ARHGEF10L: variants seen among roughly 807,000 people sequenced by gnomAD.
The protein encoded by ARHGEF10L is rho guanine nucleotide exchange factor 10-like protein.
Under a neutral mutation model 141.2 loss-of-function variants are expected in ARHGEF10L, and 69 were observed. The ratio of observed to expected loss-of-function variants is 0.49; its 90% CI spans 0.40 to 0.60. The LOEUF (loss-of-function observed/expected upper bound fraction) is 0.60. ARHGEF10L is among the 20% of genes least tolerant of loss of function. The pLI is 0.00. For missense variants in ARHGEF10L, 1,482 were observed against 1,734.3 expected, an observed-to-expected ratio of 0.85 and a Z score of 2.58; for synonymous variants, 711 against 718.5, an observed-to-expected ratio of 0.99 and a Z score of 0.17.
At chr1:17,694,111 T>C (rs867668832) in intron 27 of ARHGEF10L, 3 of 152,320 alleles carry the variant, frequency 2.0e-5, no homozygotes, top group Non-Finnish European at 4.4e-5. Flanking sequence ...CATTTTGCCA[T>C]GTGCAGGCAC....
intron 7 of ARHGEF10L, among the ~76,000 whole-genome samples, chr1:17,609,796 G>C (rs370184616): frequency 1.3e-5 from 2 of 152,132 alleles, no homozygotes; most frequent in African/African-American, 4.8e-5. Flanking sequence ...CTGGAGGAGC[G>C]GCCCAGGCAG....
At position 17,697,095 on chromosome 1, in the gene ARHGEF10L, C is replaced by A. The variant is rs1289172777; in HGVS notation, c.3555C>A (p.Gly1185=). ...TGCGCTCCACCGCACACCTCCCGGG[C>A]CCGCTGCTCTCCATGCGGGAGCCGG... is the stretch of plus-strand genomic sequence containing the variant. ...YRLRSTAHLP[G]PLLSMREPAP... The change falls in exon 29 of 29, where the codon GGC becomes GGA. Residue 1185 remains glycine, a synonymous_variant. Coordinates refer to ENST00000361221, the MANE Select transcript of ARHGEF10L (RefSeq NM_018125.4). The surrounding 1 kb of genome is among the most constrained non-coding windows in gnomAD (Gnocchi z 4.8). The A allele has an allele frequency of 6.2e-7, 1 of 1,608,300 alleles. No homozygotes were observed. The highest frequency in any genetic ancestry group is 8.5e-7 in the Non-Finnish European group (1 of 1,177,092).
chr1:17,557,006 C>T (rs369472693), intron 1 of ARHGEF10L, among the ~76,000 whole-genome samples: 5 of 146,526 alleles, frequency 3.4e-5, no homozygotes, highest in Admixed American at 2.1e-4. Context: ...CCCTCCAGTT[C>T]GGACAACATA....
intron 1 of ARHGEF10L, among the ~76,000 whole-genome samples, chr1:17,577,712 G>C (rs1284944403): frequency 6.6e-6 from 1 of 152,242 alleles, no homozygotes; most frequent in East Asian, 1.9e-4. Flanking sequence ...AGTGCGATCA[G>C]AGGATTGAGA....
At position 17,639,662 on chromosome 1, in the gene ARHGEF10L, A is replaced by G; in HGVS notation, c.2172-540A>G. 1 of 415,112 alleles carries G rather than the reference A, an allele frequency of 2.4e-6. No individual in the cohort carries two copies. 25.7% of individuals were successfully genotyped at this position (415,112 alleles called of 1,614,324 possible). ...GGAAGGCCCCCACTGCTCTGAGGTG[A>G]GAGGACAGCGTGGTGACAACAGCAA... On this transcript the variant is annotated intron_variant, in intron 20 of 28. Transcript: ENST00000361221. The surrounding 1 kb of genome is among the most constrained non-coding windows in gnomAD (Gnocchi z 4.3).
chr1:17,587,711 C>T, intron 3 of ARHGEF10L, 66 bp downstream of exon 3: 3 of 1,505,332 alleles, frequency 2.0e-6, no homozygotes, highest in Non-Finnish European at 2.7e-6. Context: ...GGCGGAAGCT[C>T]CAGGCTCTCA....
intron 4 of ARHGEF10L, among the ~76,000 whole-genome samples, chr1:17,599,891 A>G (rs1193898026): frequency 6.6e-6 from 1 of 152,224 alleles, no homozygotes; most frequent in African/African-American, 2.4e-5. Context: ...GAAATCAAAT[A>G]GAGTTAAAAA....
chr1:17,513,788 ATTCT>A, the ARHGEF10L span, among the ~76,000 whole-genome samples: 1 of 152,052 alleles, frequency 6.6e-6, no homozygotes, highest in Non-Finnish European at 1.5e-5. Context: ...TTACATGGAA[ATTCT>A]TTCTTTTTTT....
chr1:17,649,503 C>A (rs564844055), intron 22 of ARHGEF10L, among the ~76,000 whole-genome samples: 1 of 152,324 alleles, frequency 6.6e-6, no homozygotes, highest in Non-Finnish European at 1.5e-5. Context: ...ATCTAAACAG[C>A]TGAAAGAACA....
chr1:17,607,155 CT>C lies in ARHGEF10L; in HGVS notation c.434-646del, dbSNP rs761230773. On this transcript the variant is annotated intron_variant, in intron 6 of 28. Transcript: ENST00000361221. This position sits in a 1 kb window ranked among gnomAD's most constrained non-coding sequence, Gnocchi z 4.5. ...GAGCCAGGACTTGGCTCCGGGTCTT[CT>C]CTTTTCCAGTAAGAAACAGGCCACG... Among the ~76,000 whole-genome samples, 13 of 152,272 alleles carry C rather than the reference CT, an allele frequency of 8.5e-5. No homozygotes were observed. Among genetic ancestry groups the C allele is most frequent in the African/African-American group, 1.2e-4 (5 of 41,560 alleles).
At chr1:17,519,842 CA>C in the ARHGEF10L span, among the ~76,000 whole-genome samples, 149 of 137,208 alleles carry the variant, frequency 1.1e-3, no homozygotes, top group Admixed American at 1.4e-3. Context: ...GACTCCATCT[CA>C]AAAAAAAAAA....
intron 9 of ARHGEF10L, chr1:17,618,403 G>C: frequency 6.5e-7 from 1 of 1,542,820 alleles, no homozygotes; most frequent in Non-Finnish European, 8.7e-7. Context: ...GGCAGGCTGG[G>C]GTGGGTGCGG....
At chr1:17,635,156 T>G (rs560261792) in intron 18 of ARHGEF10L, 140 bp downstream of exon 18, 24 of 1,071,596 alleles carry the variant, frequency 2.2e-5, no homozygotes, top group African/African-American at 3.2e-5. Context: ...AAGCTCTTGC[T>G]GGTTTTGCAG....
rs142692758 is a variant in ARHGEF10L, at chr1:17,602,049, G to A, written c.258-78G>A. ...AGCCCACTTTTGCCCATCATGTCCC[G>A]CTGACCAGGTGAGGGGCTGCCAGAG... On this transcript the variant is annotated intron_variant, in intron 4 of 28. Transcript: ENST00000361221. 1,837 of 1,335,358 alleles carry A rather than the reference G, an allele frequency of 1.4e-3. 27 individuals carry two copies. The South Asian group carries it at 0.014, about 10-fold the overall frequency. 82.7% of individuals were successfully genotyped at this position (1,335,358 alleles called of 1,614,324 possible).
Position 17,664,410 on chromosome 1 carries a change from T to C in ARHGEF10L, c.2861-37T>C. 6 of 1,590,620 alleles carry C rather than the reference T, an allele frequency of 3.8e-6. 1 individual carries two copies. Among genetic ancestry groups the C allele is most frequent in the Non-Finnish European group, 3.4e-6 (4 of 1,175,674 alleles). On this transcript the variant is annotated intron_variant, in intron 25 of 28. Coordinates refer to ENST00000361221, the MANE Select transcript of ARHGEF10L (RefSeq NM_018125.4). ...CGTTCCCAGGAGACCTGCTTGCCGCTCCTGGCCCCTGACCTGCCTCCCCTC... is the reference window on the plus strand; with the variant it reads ...CGTTCCCAGGAGACCTGCTTGCCGCCCCTGGCCCCTGACCTGCCTCCCCTC...
the ARHGEF10L span, among the ~76,000 whole-genome samples, chr1:17,526,284 G>T: frequency 1.3e-5 from 2 of 152,208 alleles, no homozygotes; most frequent in African/African-American, 2.4e-5. Context: ...AGACTGGAGT[G>T]ATCTCTGTAA....
intron 22 of ARHGEF10L, among the ~76,000 whole-genome samples, chr1:17,651,282 G>A (rs779003648): frequency 6.6e-6 from 1 of 152,228 alleles, no homozygotes; most frequent in Non-Finnish European, 1.5e-5. Flanking sequence ...TTGGGGATGT[G>A]TTGGGGTGGG....
chr1:17,626,692 A>C (rs1179667723), intron 14 of ARHGEF10L, among the ~76,000 whole-genome samples: 1 of 152,222 alleles, frequency 6.6e-6, no homozygotes, highest in East Asian at 1.9e-4. Context: ...TTGTTCTGCA[A>C]CCATCACCAC....
intron 9 of ARHGEF10L, chr1:17,618,466 A>AC: frequency 2.1e-6 from 3 of 1,457,246 alleles, no homozygotes; most frequent in Non-Finnish European, 2.7e-6. Context: ...CACCACCCCC[A>AC]CCCCCACGCC....
Sources: allele counts gnomAD v4.1 joint callset (sites outside exome capture counted in the v4.1 genomes callset), GRCh38; gene constraint gnomAD v4.1.1; non-coding constraint Gnocchi (gnomAD v3.1); transcripts MANE v1.5; gene names NCBI Gene and HGNC (gene_info 2026-07-23, HGNC 2026-07-21).